Variants in DENND2A observed in about 807,000 individuals in gnomAD.
DENND2A encodes DENN domain-containing protein 2A.
DENND2A carries 53 observed loss-of-function variants against 105.3 expected under a neutral mutation model. The ratio of observed to expected loss-of-function variants is 0.50; its 90% confidence interval spans 0.40 to 0.63. The LOEUF (loss-of-function observed/expected upper bound fraction) is 0.63, where lower values mean the gene tolerates loss of function less well. Among genes scored for constraint, DENND2A ranks in the 30% least tolerant of loss-of-function variants. The pLI, the probability that DENND2A is intolerant of heterozygous loss-of-function variation, is 0.00. For synonymous variants in DENND2A, 522 were observed against 508.4 expected (o/e 1.03, Z -0.36); for missense variants, 1,138 against 1,279.6 (o/e 0.89, Z 1.69).
intron 9 of DENND2A, 77 bp downstream of exon 9, chr7:140,567,009 C>T (rs1797865326): frequency 1.3e-5 from 18 of 1,364,742 alleles, no homozygotes; most frequent in Non-Finnish European, 1.5e-5. Flanking sequence ...GACTCCCACA[C>T]CTCCCTCAAT....
intron 1 of DENND2A, among the ~76,000 whole-genome samples, chr7:140,621,432 A>C (rs1800288982): frequency 6.6e-6 from 1 of 152,202 alleles, no homozygotes; most frequent in African/African-American, 2.4e-5. Flanking sequence ...TGTTTAAGAA[A>C]TAATGACAAG....
In DENND2A at chr7:140,602,041, TC is replaced by T. The variant is rs2130687090; in HGVS notation, c.356del (p.Gly119AspfsTer10). 1 of 1,614,184 alleles carries T rather than the reference TC, an allele frequency of 6.2e-7. No individual in the cohort carries two copies. Among genetic ancestry groups the T allele is most frequent in the Non-Finnish European group, 8.5e-7 (1 of 1,180,022 alleles). Reference protein sequence around the residue: ...ERNKGAVNVGGQDPEPGQDLS... With the variant: ...ERNKGAVNVGXQDPEPGQDLS... ...GGTCTTGCCCCGGCTCTGGGTCCTGTCCCCCGACGTTCACTGCTCCTTTATT... is the reference window on the plus strand; with the variant it reads ...GGTCTTGCCCCGGCTCTGGGTCCTGTCCCCGACGTTCACTGCTCCTTTATT... On this transcript the variant is annotated frameshift_variant, in exon 3 of 20. Transcript: ENST00000496613. LOFTEE classifies it high-confidence loss of function.
intron 1 of DENND2A, among the ~76,000 whole-genome samples, chr7:140,628,821 CA>C (rs1800631428): frequency 6.6e-6 from 1 of 152,106 alleles, no homozygotes; most frequent in African/African-American, 2.4e-5. Flanking sequence ...GGATTACAGG[CA>C]TGAGCCACTG....
chr7:140,637,992 T>A (rs1801017144), intron 1 of DENND2A, among the ~76,000 whole-genome samples: 1 of 151,942 alleles, frequency 6.6e-6, no homozygotes, highest in African/African-American at 2.4e-5. Context: ...TGCAGTTCAC[T>A]CCCCTAGACA....
intron 12 of DENND2A, among the ~76,000 whole-genome samples, chr7:140,550,633 C>T (rs536546922): frequency 1.3e-5 from 2 of 151,886 alleles, no homozygotes; most frequent in Admixed American, 6.6e-5. Flanking sequence ...AGCTAATTTT[C>T]GTAATTTTAG....
chr7:140,527,339 G>C lies in DENND2A; in HGVS notation c.2484C>G (p.Leu828=). ...IGLLSSSLPL[L]RELPLEEVLV... ...TCACCTCTTCCAGCGGCAGCTCCCTGAGCAGTGGCAGCGAGCTGGAGAGCA... is the reference window on the plus strand; with the variant it reads ...TCACCTCTTCCAGCGGCAGCTCCCTCAGCAGTGGCAGCGAGCTGGAGAGCA... The change falls in exon 15 of 20, where the codon CTC becomes CTG. Residue 828 remains leucine, a synonymous_variant. Coordinates refer to ENST00000496613, the MANE Select transcript of DENND2A (RefSeq NM_015689.5). The surrounding 1 kb of genome is among the most constrained non-coding windows in gnomAD (Gnocchi z 4.9). The C allele has an allele frequency of 6.3e-7, 1 of 1,594,010 alleles. No individual in the cohort carries two copies. Among genetic ancestry groups the C allele is most frequent in the Non-Finnish European group, 8.5e-7 (1 of 1,172,170 alleles).
intron 12 of DENND2A, among the ~76,000 whole-genome samples, chr7:140,551,394 G>A (rs1179387066): frequency 6.6e-6 from 1 of 152,046 alleles, no homozygotes; most frequent in East Asian, 1.9e-4. Flanking sequence ...TGCCATGCGG[G>A]TTCTCTGGCC....
intron 12 of DENND2A, among the ~76,000 whole-genome samples, chr7:140,550,865 T>C (rs980046537): frequency 7.2e-5 from 11 of 152,084 alleles, no homozygotes; most frequent in Non-Finnish European, 5.9e-5. Context: ...ACTGTTAAAA[T>C]GGTTAAGATG....
chr7:140,546,141 T>C (rs750794775), intron 13 of DENND2A, among the ~76,000 whole-genome samples: 7 of 152,112 alleles, frequency 4.6e-5, no homozygotes, highest in Non-Finnish European at 7.4e-5. Flanking sequence ...CAGCCCAGGC[T>C]GGGCGCGGTG....
intron 1 of DENND2A, among the ~76,000 whole-genome samples, chr7:140,631,300 G>C (rs1800725610): frequency 6.6e-6 from 1 of 152,098 alleles, no homozygotes; most frequent in South Asian, 2.1e-4. Flanking sequence ...CTTCTTTCTT[G>C]GTCCCAAAAG....
At chr7:140,613,370 T>C (rs865849804) in intron 1 of DENND2A, among the ~76,000 whole-genome samples, 3 of 151,432 alleles carry the variant, frequency 2.0e-5, no homozygotes, top group African/African-American at 7.3e-5. Flanking sequence ...TGAAACCCCA[T>C]CTCTACTAAA....
intron 14 of DENND2A, among the ~76,000 whole-genome samples, chr7:140,540,724 C>CTT (rs375517319): frequency 9.6e-5 from 14 of 146,342 alleles, no homozygotes; most frequent in African/African-American, 3.5e-4. Context: ...TTCTTTCTTT[C>CTT]TTTTTTTTTT....
chr7:140,564,306 C>G (rs1797751315), intron 9 of DENND2A, among the ~76,000 whole-genome samples: 1 of 150,654 alleles, frequency 6.6e-6, no homozygotes, highest in South Asian at 2.1e-4. Flanking sequence ...AATACACACA[C>G]ACACACAGAA....
At chr7:140,569,963 C>T (rs1798027069) in intron 6 of DENND2A, among the ~76,000 whole-genome samples, 1 of 152,028 alleles carries the variant, frequency 6.6e-6, no homozygotes, top group African/African-American at 2.4e-5. Context: ...GGCGCAATCT[C>T]AGCTCACTGC....
In DENND2A at chr7:140,629,171, G is replaced by C. The variant is rs371092252; in HGVS notation, c.-248+11333C>G. Among the ~76,000 whole-genome samples the C allele has an allele frequency of 4.8e-4, 73 of 152,326 alleles. 3 individuals are homozygous for C. The South Asian group carries it at 0.014, about 29-fold the overall frequency. On this transcript the variant is annotated intron_variant, in intron 1 of 19. Transcript: ENST00000496613. ...CAACCAAAACAGAATGGTGTCTAGGGTGAAAGGCAGTATTCAAAATTAACC... is the reference window on the plus strand; with the variant it reads ...CAACCAAAACAGAATGGTGTCTAGGCTGAAAGGCAGTATTCAAAATTAACC...
intron 1 of DENND2A, among the ~76,000 whole-genome samples, chr7:140,624,397 C>T (rs1032280295): frequency 6.6e-6 from 1 of 152,140 alleles, no homozygotes; most frequent in African/African-American, 2.4e-5. Flanking sequence ...CTTAATGATA[C>T]TGGAAAAGCG....
At chr7:140,550,781 T>C (rs1187346988) in intron 12 of DENND2A, among the ~76,000 whole-genome samples, 1 of 151,662 alleles carries the variant, frequency 6.6e-6, no homozygotes, top group Non-Finnish European at 1.5e-5. Context: ...AGAGTTTCTG[T>C]TGGGGGAGAT....
chr7:140,540,787 G>A (rs557529624), intron 14 of DENND2A, among the ~76,000 whole-genome samples: 9 of 151,794 alleles, frequency 5.9e-5, no homozygotes, highest in African/African-American at 9.7e-5. Flanking sequence ...GCATGATCTC[G>A]GCTCTCCACA....
chr7:140,641,107 T>C (rs1187365841), upstream of DENND2A, among the ~76,000 whole-genome samples: 1 of 151,780 alleles, frequency 6.6e-6, no homozygotes, highest in Non-Finnish European at 1.5e-5. Context: ...CGTCCAAGCC[T>C]GGGGAACGGC....
Sources: allele counts gnomAD v4.1 joint callset (sites outside exome capture counted in the v4.1 genomes callset), GRCh38; gene constraint gnomAD v4.1.1; non-coding constraint Gnocchi (gnomAD v3.1); transcripts MANE v1.5; gene names NCBI Gene and HGNC (gene_info 2026-07-23, HGNC 2026-07-21).